Variants in ATXN1 observed in about 807,000 individuals in gnomAD.
ATXN1 encodes ataxin 1.
In ATXN1, 8 loss-of-function variants were observed where a neutral mutation model predicts 56.4. The observed-to-expected ratio is 0.14, with a 90% CI of 0.08 to 0.26. ATXN1 has a LOEUF of 0.26. ATXN1 is among the 10% of genes least tolerant of loss of function. The pLI, the probability that ATXN1 is intolerant of heterozygous loss-of-function variation, is 1.00. For missense variants in ATXN1, 987 were observed against 1,106.5 expected, an observed-to-expected ratio of 0.89 and a Z score of 1.53; for synonymous variants, 514 against 494.6, an observed-to-expected ratio of 1.04 and a Z score of -0.52.
intron 7 of ATXN1, among the ~76,000 whole-genome samples, chr6:16,313,048 T>C (rs1457125124): frequency 2.0e-5 from 3 of 152,076 alleles, no homozygotes; most frequent in Non-Finnish European, 2.9e-5. Context: ...TGGCTAATTT[T>C]TGTATTTTTT....
chr6:16,542,731 T>G (rs1337802697), intron 4 of ATXN1, among the ~76,000 whole-genome samples: 2 of 152,244 alleles, frequency 1.3e-5, no homozygotes, highest in African/African-American at 4.8e-5. Context: ...AGTGGACGCC[T>G]AAAACCATGA....
intron 5 of ATXN1, among the ~76,000 whole-genome samples, chr6:16,500,549 T>C (rs904418696): frequency 1.3e-5 from 2 of 152,058 alleles, no homozygotes; most frequent in Non-Finnish European, 2.9e-5. Context: ...CTATATTGTA[T>C]GCATGTGGGT....
intron 6 of ATXN1, among the ~76,000 whole-genome samples, chr6:16,398,509 GA>G (rs1260643187): frequency 6.6e-6 from 1 of 152,084 alleles, no homozygotes; most frequent in Non-Finnish European, 1.5e-5. Flanking sequence ...TCATGAGGGG[GA>G]AAACAAACTA....
At chr6:16,743,185 CAAT>C (rs1760402030) in intron 2 of ATXN1, among the ~76,000 whole-genome samples, 1 of 152,160 alleles carries the variant, frequency 6.6e-6, no homozygotes, top group Non-Finnish European at 1.5e-5. Flanking sequence ...TATTGAATTT[CAAT>C]AATAATAGTG....
At chr6:16,473,588 G>T (rs952030546) in intron 6 of ATXN1, among the ~76,000 whole-genome samples, 3 of 152,122 alleles carry the variant, frequency 2.0e-5, no homozygotes, top group African/African-American at 7.2e-5. Flanking sequence ...ATGACAAGAA[G>T]ACACTTCCAG....
At chr6:16,383,872 A>G (rs1047378457) in intron 6 of ATXN1, among the ~76,000 whole-genome samples, 49 of 152,350 alleles carry the variant, frequency 3.2e-4, no homozygotes, top group African/African-American at 1.1e-3. Context: ...CTTTGCTCTC[A>G]TGAGATTTGG....
chr6:16,651,529 G>A (rs1162044279), intron 3 of ATXN1, among the ~76,000 whole-genome samples: 1 of 130,478 alleles, frequency 7.7e-6, no homozygotes, highest in Non-Finnish European at 1.6e-5. Context: ...GGGTGACAGA[G>A]AGAGACTCTG....
At chr6:16,556,337 T>C (rs1201884960) in intron 4 of ATXN1, among the ~76,000 whole-genome samples, 1 of 152,224 alleles carries the variant, frequency 6.6e-6, no homozygotes, top group Admixed American at 6.5e-5. Flanking sequence ...TTTCTTCCTT[T>C]TCTCTCTTAG....
At chr6:16,533,774 G>A (rs1354376709) in intron 4 of ATXN1, among the ~76,000 whole-genome samples, 2 of 152,042 alleles carry the variant, frequency 1.3e-5, no homozygotes, top group East Asian at 3.9e-4. Flanking sequence ...CTGCTTTTAG[G>A]TGACTCGTTT....
chr6:16,707,018 G>C (rs1759424106), intron 2 of ATXN1, among the ~76,000 whole-genome samples: 2 of 151,960 alleles, frequency 1.3e-5, no homozygotes. Context: ...CTCATTGGCA[G>C]CTCAAATTCA....
intron 2 of ATXN1, among the ~76,000 whole-genome samples, chr6:16,709,446 T>C (rs1759478462): frequency 6.6e-6 from 1 of 152,194 alleles, no homozygotes; most frequent in Admixed American, 6.5e-5. Flanking sequence ...ACAATGATGA[T>C]ACAACTGTTC....
chr6:16,643,911 C>T (rs890456599), intron 3 of ATXN1, among the ~76,000 whole-genome samples: 2 of 152,134 alleles, frequency 1.3e-5, no homozygotes, highest in African/African-American at 2.4e-5. Context: ...TTGATAATTA[C>T]TGACATAATA....
intron 2 of ATXN1, among the ~76,000 whole-genome samples, chr6:16,704,432 A>G (rs1759362381): frequency 6.6e-6 from 1 of 151,134 alleles, no homozygotes; most frequent in African/African-American, 2.4e-5. Flanking sequence ...TGTACAGATC[A>G]AAATCTCAAG....
chr6:16,577,523 C>CA (rs61193572), intron 4 of ATXN1, among the ~76,000 whole-genome samples: 9,938 of 76,232 alleles, frequency 0.13, 533 homozygotes, highest in East Asian at 0.28. Context: ...GACTCTGTCT[C>CA]AAAAAAAAAA....
At chr6:16,549,987 A>T (rs932857933) in intron 4 of ATXN1, among the ~76,000 whole-genome samples, 1 of 149,956 alleles carries the variant, frequency 6.7e-6, no homozygotes, top group African/African-American at 2.5e-5. Context: ...CAGGAAGGGG[A>T]ACAACACACA....
In ATXN1 at chr6:16,327,314, G is replaced by A. The variant is rs1322853116; in HGVS notation, c.997C>T (p.Arg333Trp). 19 of 1,612,934 alleles carry A rather than the reference G, an allele frequency of 1.2e-5. No homozygotes were observed. Among genetic ancestry groups the A allele is most frequent in the Middle Eastern group, 1.6e-4 (1 of 6,084 alleles). Reference sequence around the variant, plus strand: ...TCGGCTGAGGACGGGGCCCCGTACCGCCGGCTCTTCTCCATCTCACCGTTC... The same window carrying A: ...TCGGCTGAGGACGGGGCCCCGTACCACCGGCTCTTCTCCATCTCACCGTTC... Reference protein sequence around the residue: ...VLNGEMEKSRRYGAPSSADLG... With the variant: ...VLNGEMEKSRWYGAPSSADLG... Residue 333 changes from arginine to tryptophan, a missense_variant, in exon 7 of 8, where the codon CGG becomes TGG. This residue lies in a region of ATXN1 where 723 missense variants were observed against 791.7 expected (regional missense o/e 0.91). Coordinates refer to ENST00000436367, the MANE Select transcript of ATXN1 (RefSeq NM_001128164.2).
chr6:16,415,462 T>C lies in ATXN1; in HGVS notation c.-161+70510A>G, dbSNP rs1228611674. 2.0e-5 allele frequency among the ~76,000 whole-genome samples: 3 copies of C among 152,214 alleles called. No homozygotes were observed. In the South Asian group the frequency reaches 6.2e-4, roughly 32 times the overall value. On this transcript the variant is annotated intron_variant, in intron 6 of 7. Transcript: ENST00000436367. ...CCAGGATGGTCTCGAACTCCTGACC[T>C]CAGATGCTCCACCCTCCTTGGCCTC... is the stretch of plus-strand genomic sequence containing the variant.
chr6:16,695,974 T>C (rs1759157173), intron 2 of ATXN1, among the ~76,000 whole-genome samples: 1 of 151,910 alleles, frequency 6.6e-6, no homozygotes, highest in Non-Finnish European at 1.5e-5. Flanking sequence ...TCTCTCTATA[T>C]ATACAAATAA....
chr6:16,538,086 T>C (rs1298429832), intron 4 of ATXN1, among the ~76,000 whole-genome samples: 1 of 152,208 alleles, frequency 6.6e-6, no homozygotes, highest in Non-Finnish European at 1.5e-5. Flanking sequence ...CTTGTAATAA[T>C]TAAATTCCTT....
Sources: allele counts gnomAD v4.1 joint callset (sites outside exome capture counted in the v4.1 genomes callset), GRCh38; gene constraint gnomAD v4.1.1; regional missense constraint gnomAD v4.1.1; transcripts MANE v1.5; gene names NCBI Gene and HGNC (gene_info 2026-07-23, HGNC 2026-07-21).